Variants in CPSF7 observed in about 807,000 individuals in gnomAD.
The protein encoded by CPSF7 is cleavage and polyadenylation specificity factor subunit 7.
A neutral mutation model predicts 44.3 loss-of-function variants in CPSF7; 1 was observed. The observed-to-expected ratio is 0.02, with a 90% confidence interval of 0.01 to 0.11. The LOEUF is 0.11. Ranked by LOEUF, CPSF7 falls within the 10% of genes least tolerant of loss-of-function variation. The pLI, the probability that CPSF7 is intolerant of heterozygous loss-of-function variation, is 1.00. For synonymous variants in CPSF7, 202 were observed against 222.0 expected, an observed-to-expected ratio of 0.91 and a Z score of 0.80; for missense variants, 443 against 607.2, an observed-to-expected ratio of 0.73 and a Z score of 2.84.
chr11:61,420,913 C>T (rs1860804589), intron 3 of CPSF7: 2 of 507,030 alleles, frequency 3.9e-6, no homozygotes, highest in Admixed American at 5.1e-5. Context: ...AGAACTTCCC[C>T]CACAGTAAAT....
At chr11:61,418,638 T>A (rs1312135755) in intron 5 of CPSF7, among the ~76,000 whole-genome samples, 6 of 152,072 alleles carry the variant, frequency 3.9e-5, no homozygotes, top group African/African-American at 1.4e-4. Flanking sequence ...AGTGGCTTAG[T>A]GAGTACAGTC....
chr11:61,414,672 A>C (rs1171212948), intron 7 of CPSF7, among the ~76,000 whole-genome samples: 1 of 152,266 alleles, frequency 6.6e-6, no homozygotes, highest in Non-Finnish European at 1.5e-5. Context: ...ACTCACAGGA[A>C]GGAAGTGAAT....
rs1253520913 is a variant in CPSF7, at chr11:61,419,993, G to C, written c.479C>G (p.Ala160Gly). 3 of 1,614,050 alleles carry C rather than the reference G, an allele frequency of 1.9e-6. No individual in the cohort carries two copies. The African/African-American group carries it at 4.0e-5, about 22-fold the overall frequency. The change falls in exon 5 of 10, where the codon GCC (alanine) becomes GGC (glycine). Residue 160 changes from alanine (A) to glycine (G), a missense_variant. Coordinates refer to ENST00000439958, the MANE Select transcript of CPSF7 (RefSeq NM_001142565.3). ...AAACTGTGACAGGTTCTGCCGGGTG[G>C]CCGGCCTCACGTCCACTTTTTCTCC... The part of the protein sequence containing the change: ...LNGEKVDVRP[A>G]TRQNLSQFEA...
rs1288998019 is a variant in CPSF7 at position 61,415,762 on chromosome 11, A to C, written c.961T>G (p.Ser321Ala). ...TCAAATTCGGCTTCACTCACTGTAG[A>C]GGGTGGAGGGCCCGAATCTCGGCTG... Reference protein sequence around the residue: ...HGSRDSGPPPSTVSEAEFEDI... With the variant: ...HGSRDSGPPPATVSEAEFEDI... Residue 321 changes from serine (S) to alanine (A), a missense_variant, in exon 7 of 10, where the codon TCT (serine) becomes GCT (alanine). Transcript: ENST00000439958. 7 of 1,613,604 alleles carry C rather than the reference A, an allele frequency of 4.3e-6. No individual in the cohort carries two copies. The highest frequency in any genetic ancestry group is 5.9e-6 in the Non-Finnish European group (7 of 1,179,490).
At chr11:61,426,362 G>A (rs1861337338) in intron 2 of CPSF7, 1 of 152,156 alleles carries the variant, frequency 6.6e-6, no homozygotes, top group Non-Finnish European at 1.5e-5. Context: ...GTAGCTTCCA[G>A]ATGACACTAA....
intron 5 of CPSF7, among the ~76,000 whole-genome samples, chr11:61,419,595 T>C (rs530411743): frequency 1.3e-5 from 2 of 152,302 alleles, no homozygotes; most frequent in South Asian, 4.1e-4. Context: ...ATGCCAAGTT[T>C]TAGACAGAAA....
rs554088161 is a variant in CPSF7, at chr11:61,420,012, T to C, written c.460A>G (p.Lys154Glu). The C allele has an allele frequency of 6.2e-7, 1 of 1,614,206 alleles. No homozygotes were observed. The highest frequency in any genetic ancestry group is 1.3e-5 in the African/African-American group (1 of 75,056). Reference sequence around the variant, plus strand: ...CGGGTGGCCGGCCTCACGTCCACTTTTTCTCCATTAAGAACTTTCCCTGGT... The same window carrying C: ...CGGGTGGCCGGCCTCACGTCCACTTCTTCTCCATTAAGAACTTTCCCTGGT... The part of the protein sequence containing the change: ...LLPGKVLNGE[K>E]VDVRPATRQN... The change falls in exon 5 of 10, where the codon AAA becomes GAA. Residue 154 changes from lysine to glutamate, a missense_variant. Coordinates refer to ENST00000439958, the MANE Select transcript of CPSF7 (RefSeq NM_001142565.3).
chr11:61,409,335 G>T (rs574610641), intron 9 of CPSF7, among the ~76,000 whole-genome samples: 2 of 152,070 alleles, frequency 1.3e-5, no homozygotes, highest in South Asian at 4.2e-4. Flanking sequence ...AGCCGGGCGT[G>T]GTGGTGGGCG....
At chr11:61,419,924 C>T in intron 5 of CPSF7, 25 bp downstream of exon 5, 1 of 1,612,858 alleles carries the variant, frequency 6.2e-7, no homozygotes, top group Non-Finnish European at 8.5e-7. Context: ...CCACGTACCC[C>T]CTCTTGGGAC....
intron 2 of CPSF7, among the ~76,000 whole-genome samples, chr11:61,423,825 A>T (rs1032859801): frequency 6.6e-6 from 1 of 152,238 alleles, no homozygotes; most frequent in African/African-American, 2.4e-5. Context: ...TCCTTGTATT[A>T]TAAGAACCTT....
chr11:61,416,864 T>C (rs534574054), intron 5 of CPSF7, among the ~76,000 whole-genome samples: 2 of 152,306 alleles, frequency 1.3e-5, no homozygotes, highest in Non-Finnish European at 2.9e-5. Context: ...TGTTCACTGA[T>C]GTTCAGGTGA....
rs1412866923 is a variant in CPSF7, at chr11:61,416,006, G to A, written c.938+99C>T. The A allele has an allele frequency of 6.8e-5, 79 of 1,157,714 alleles. 1 individual carries two copies. The highest frequency in any genetic ancestry group is 8.9e-5 in the Non-Finnish European group (73 of 823,454). The allele number at this position is 1,157,714 out of a possible 1,614,324, so 71.7% of individuals were successfully genotyped here. A position where few individuals can be genotyped will look rare whatever the true frequency, so the allele number is the denominator to read the frequency against. On this transcript the variant is annotated intron_variant, in intron 6 of 9. Coordinates refer to ENST00000439958, the MANE Select transcript of CPSF7 (RefSeq NM_001142565.3). ...CTATGATAACAGAATGTCTATAAGG[G>A]AAAGAACAAGGATTCAGTGCTCACT...
intron 9 of CPSF7, among the ~76,000 whole-genome samples, chr11:61,406,576 A>G (rs146179132): frequency 1.3e-5 from 2 of 152,176 alleles, no homozygotes; most frequent in African/African-American, 4.8e-5. Flanking sequence ...GGTGACCAGG[A>G]AAAGTGAGGA....
Position 61,403,407 on chromosome 11 carries a change from C to T in CPSF7, c.*1303G>A, listed in dbSNP as rs939491420. Reference sequence around the variant, plus strand: ...TCCTCCTTCAGCAGCAACCACATTACAATTTGGATGTTATGGAAAAGCAAT... The same window carrying T: ...TCCTCCTTCAGCAGCAACCACATTATAATTTGGATGTTATGGAAAAGCAAT... On this transcript the variant is annotated 3_prime_UTR_variant, in exon 10 of 10. Coordinates refer to ENST00000439958, the MANE Select transcript of CPSF7 (RefSeq NM_001142565.3). 4 of 152,190 alleles carry T rather than the reference C, an allele frequency of 2.6e-5. No individual in the cohort carries two copies. Among genetic ancestry groups the T allele is most frequent in the Admixed American group, 2.6e-4 (4 of 15,280 alleles). 9.4% of individuals were successfully genotyped at this position (152,190 alleles called of 1,614,324 possible).
intron 1 of CPSF7, chr11:61,429,556 C>T: frequency 1.7e-6 from 1 of 604,982 alleles, no homozygotes; most frequent in Non-Finnish European, 2.8e-6. Context: ...AAGTCCCACC[C>T]TCGGGTCCTA....
intron 9 of CPSF7, among the ~76,000 whole-genome samples, chr11:61,405,695 G>A (rs146833712): frequency 3.3e-5 from 5 of 152,282 alleles, no homozygotes; most frequent in East Asian, 1.9e-4. Context: ...CACAGCCTAC[G>A]CACAAATGTT....
At position 61,421,444 on chromosome 11, in the gene CPSF7, G is replaced by A. The variant is rs1394284228; in HGVS notation, c.219C>T (p.Thr73=). Residue 73 remains threonine (T), a synonymous_variant, in exon 3 of 10, where the codon ACC becomes ACT. Transcript: ENST00000439958. Reference sequence around the variant, plus strand: ...CTCGTCTATTACGCAGGCCACTGTAGGTATACAGAATTGCAGGGGTCTTGT... The same window carrying A: ...CTCGTCTATTACGCAGGCCACTGTAAGTATACAGAATTGCAGGGGTCTTGT... ...PNNKTPAILY[T]YSGLRNRRAA... 1.2e-6 allele frequency: 2 copies of A among 1,614,176 alleles called. No individual in the cohort carries two copies. Among genetic ancestry groups the A allele is most frequent in the Non-Finnish European group, 1.7e-6 (2 of 1,180,026 alleles).
chr11:61,429,399 C>T (rs1182458204), intron 1 of CPSF7, 109 bp from the exon 2 acceptor site: 4 of 669,876 alleles, frequency 6.0e-6, no homozygotes, highest in Non-Finnish European at 1.0e-5. Context: ...TCCTGGCGGC[C>T]CCAGCTCGGC....
intron 9 of CPSF7, among the ~76,000 whole-genome samples, chr11:61,405,503 G>C (rs1859231143): frequency 6.6e-6 from 1 of 152,166 alleles, no homozygotes; most frequent in Admixed American, 6.5e-5. Flanking sequence ...TTACCCAAAA[G>C]GGTCTATTAA....
Sources: gnomAD v4.1 joint callset for allele counts (sites outside exome capture counted in the v4.1 genomes callset) on GRCh38, gnomAD v4.1.1 for gene constraint, MANE v1.5 for transcripts, NCBI Gene and HGNC (gene_info 2026-07-23, HGNC 2026-07-21) for gene names.